MGAT4C: variants seen among roughly 807,000 people sequenced by gnomAD.
The protein encoded by MGAT4C is alpha-1,3-mannosyl-glycoprotein 4-beta-N-acetylglucosaminyltransferase C.
A neutral mutation model predicts 40.1 loss-of-function variants in MGAT4C; 19 were observed. The observed-to-expected ratio is 0.47, with a 90% CI of 0.33 to 0.70. MGAT4C has a LOEUF of 0.70. Among genes scored for constraint, MGAT4C ranks in the 30% least tolerant of loss-of-function variants. The pLI is 0.02. For synonymous variants in MGAT4C, 181 were observed against 187.1 expected, an observed-to-expected ratio of 0.97 and a Z score of 0.27; for missense variants, 491 against 563.2, an observed-to-expected ratio of 0.87 and a Z score of 1.30.
intron 3 of MGAT4C, among the ~76,000 whole-genome samples, chr12:86,353,584 T>C (rs1290827743): frequency 6.6e-6 from 1 of 152,206 alleles, no homozygotes; most frequent in African/African-American, 2.4e-5. Flanking sequence ...CTTGACTTTC[T>C]CTTTTTACTC....
intron 3 of MGAT4C, among the ~76,000 whole-genome samples, chr12:86,390,295 T>C (rs1956140390): frequency 6.6e-6 from 1 of 152,206 alleles, no homozygotes; most frequent in African/African-American, 2.4e-5. Context: ...AGTACTATTG[T>C]TAAGAAACTC....
intron 2 of MGAT4C, among the ~76,000 whole-genome samples, chr12:86,700,798 A>G (rs995663000): frequency 1.3e-5 from 2 of 152,156 alleles, no homozygotes; most frequent in Non-Finnish European, 2.9e-5. Flanking sequence ...TACATTGTAC[A>G]TAATACTTCA....
intron 1 of MGAT4C, among the ~76,000 whole-genome samples, chr12:86,805,652 T>G (rs1593224238): frequency 6.6e-6 from 1 of 151,920 alleles, no homozygotes; most frequent in African/African-American, 2.4e-5. Context: ...TGTCTCTGCT[T>G]TTGTGAATAG....
intron 4 of MGAT4C, among the ~76,000 whole-genome samples, chr12:85,981,285 A>T (rs1475012359): frequency 6.6e-6 from 1 of 152,178 alleles, no homozygotes; most frequent in Non-Finnish European, 1.5e-5. Flanking sequence ...AGGTCTTTCT[A>T]TTGAAATATT....
At chr12:86,566,412 A>G (rs1263395528) in intron 2 of MGAT4C, among the ~76,000 whole-genome samples, 1 of 150,546 alleles carries the variant, frequency 6.6e-6, no homozygotes, top group Admixed American at 6.7e-5. Flanking sequence ...GCCCTTGAAC[A>G]TTGGACTCCA....
intron 1 of MGAT4C, among the ~76,000 whole-genome samples, chr12:86,734,008 A>G (rs1265352294): frequency 6.6e-6 from 1 of 152,106 alleles, no homozygotes; most frequent in Non-Finnish European, 1.5e-5. Flanking sequence ...GTCGTGGTCA[A>G]TTCTGTAAAA....
intron 4 of MGAT4C, among the ~76,000 whole-genome samples, chr12:86,270,857 A>T (rs996545291): frequency 6.6e-6 from 1 of 152,144 alleles, no homozygotes. Flanking sequence ...AAAGCAGAAA[A>T]TGTCATGTAT....
intron 1 of MGAT4C, among the ~76,000 whole-genome samples, chr12:86,767,453 A>T (rs920747948): frequency 6.6e-6 from 1 of 152,184 alleles, no homozygotes; most frequent in Non-Finnish European, 1.5e-5. Flanking sequence ...AGGAACTGGC[A>T]CCATTCCTTC....
intron 2 of MGAT4C, among the ~76,000 whole-genome samples, chr12:86,573,404 A>C (rs989633234): frequency 6.6e-6 from 1 of 152,074 alleles, no homozygotes; most frequent in African/African-American, 2.4e-5. Flanking sequence ...CCTACAGTTC[A>C]GTGTTATAAA....
At chr12:86,767,058 CA>C (rs1269601855) in intron 1 of MGAT4C, among the ~76,000 whole-genome samples, 1 of 152,022 alleles carries the variant, frequency 6.6e-6, no homozygotes, top group African/African-American at 2.4e-5. Context: ...AAAAACCCTT[CA>C]AAAAATTAAT....
At chr12:86,309,540 C>T (rs571596038) in intron 4 of MGAT4C, among the ~76,000 whole-genome samples, 31 of 152,244 alleles carry the variant, frequency 2.0e-4, no homozygotes, top group Non-Finnish European at 3.8e-4. Context: ...CTAACCACTC[C>T]AAGGTAACAG....
intron 1 of MGAT4C, among the ~76,000 whole-genome samples, chr12:86,193,334 C>T (rs974560701): frequency 6.6e-6 from 1 of 151,804 alleles, no homozygotes; most frequent in Non-Finnish European, 1.5e-5. Context: ...ACATTTTTCA[C>T]TTTAAACAAC....
intron 1 of MGAT4C, among the ~76,000 whole-genome samples, chr12:86,768,903 A>C (rs2136165035): frequency 6.6e-6 from 1 of 152,192 alleles, no homozygotes; most frequent in African/African-American, 2.4e-5. Flanking sequence ...TAGACCTAAA[A>C]CCATAAAAAC....
chr12:86,307,999 G>T (rs1953982522), intron 4 of MGAT4C, among the ~76,000 whole-genome samples: 1 of 150,494 alleles, frequency 6.6e-6, no homozygotes, highest in African/African-American at 2.5e-5. Context: ...CACCGCGCCC[G>T]ACCATTTGGG....
intron 1 of MGAT4C, among the ~76,000 whole-genome samples, chr12:86,100,822 A>C (rs914658840): frequency 6.6e-6 from 1 of 151,598 alleles, no homozygotes. Context: ...ATAAATATTC[A>C]TAACTGGGGC....
At chr12:86,101,500 A>T (rs987647133) in intron 1 of MGAT4C, among the ~76,000 whole-genome samples, 5 of 151,840 alleles carry the variant, frequency 3.3e-5, no homozygotes, top group Non-Finnish European at 5.9e-5. Context: ...TCAAGAGATT[A>T]AAAAAGTCCA....
At chr12:86,098,280 AGGTAATTTGTTATTTTGTTTCTT>A (rs1045473494) in intron 1 of MGAT4C, among the ~76,000 whole-genome samples, 2 of 151,582 alleles carry the variant, frequency 1.3e-5, no homozygotes, top group African/African-American at 4.8e-5. Context: ...TGTATTTTCA[AGGTAATTTGTTATTTTGTTTCTT>A]GGTAATTTGT....
rs899979117 is a variant in MGAT4C, at chr12:86,729,079, A to T, written c.-261-1838T>A. ...AAGACTAAAGTGATTTTGCAAGAAGACACATAAAAGATGGTAAGGAGAATT... is the reference window on the plus strand; with the variant it reads ...AAGACTAAAGTGATTTTGCAAGAAGTCACATAAAAGATGGTAAGGAGAATT... On this transcript the variant is annotated intron_variant, in intron 1 of 7. Transcript: ENST00000548651. Among the ~76,000 whole-genome samples, 11 of 152,212 alleles carry T rather than the reference A, an allele frequency of 7.2e-5. 1 individual carries two copies. The highest frequency in any genetic ancestry group is 5.8e-4 in the East Asian group (3 of 5,198).
At chr12:86,666,477 CA>C (rs1459421297) in intron 2 of MGAT4C, among the ~76,000 whole-genome samples, 1 of 151,998 alleles carries the variant, frequency 6.6e-6, no homozygotes, top group Non-Finnish European at 1.5e-5. Flanking sequence ...GGCATTTCAT[CA>C]CTTGCTCTTT....
Sources: allele counts gnomAD v4.1 joint callset (sites outside exome capture counted in the v4.1 genomes callset), GRCh38; gene constraint gnomAD v4.1.1; transcripts MANE v1.5; gene names NCBI Gene and HGNC (gene_info 2026-07-23, HGNC 2026-07-21).